THSD4: variants seen among roughly 807,000 people sequenced by gnomAD.
The protein encoded by THSD4 is thrombospondin type 1 domain containing 4, also known as thrombospondin type-1 domain-containing protein 4.
In THSD4, 69 loss-of-function variants were observed where a neutral mutation model predicts 119.0. The ratio of observed to expected loss-of-function variants is 0.58; its 90% CI spans 0.48 to 0.71. THSD4 has a LOEUF of 0.71. Ranked by LOEUF, THSD4 falls within the 30% of genes least tolerant of loss-of-function variation. The pLI is 0.00. For synonymous variants in THSD4, 524 were observed against 540.4 expected (o/e 0.97, Z 0.42); for missense variants, 1,393 against 1,391.1 (o/e 1.00, Z -0.02).
rs189707771 is a variant in THSD4, at chr15:71,525,599, G to A, written c.1152+113776G>A. On this transcript the variant is annotated intron_variant, in intron 7 of 17. Coordinates refer to ENST00000261862, the MANE Select transcript of THSD4 (RefSeq NM_024817.3). ...ATCTGCGCAAATGTTTTATGTATTA[G>A]GGAGATGTTTTCCCAAGTAATGAGT... Among the ~76,000 whole-genome samples the A allele has an allele frequency of 1.2e-3, 176 of 152,284 alleles. 5 individuals are homozygous for A. In the South Asian group the frequency reaches 0.029, roughly 25 times the overall value.
chr15:71,583,505 G>A (rs1019016640), intron 7 of THSD4, among the ~76,000 whole-genome samples: 7 of 150,088 alleles, frequency 4.7e-5, no homozygotes, highest in African/African-American at 7.3e-5. Context: ...CTAAAGTTAC[G>A]TTGTTTATTT....
At chr15:71,349,628 A>G (rs2045718234) in intron 6 of THSD4, among the ~76,000 whole-genome samples, 1 of 152,180 alleles carries the variant, frequency 6.6e-6, no homozygotes, top group South Asian at 2.1e-4. Flanking sequence ...TCTTCACTGG[A>G]TGGCACTCTC....
chr15:71,332,646 A>G (rs1201940123), intron 6 of THSD4, among the ~76,000 whole-genome samples: 4 of 152,076 alleles, frequency 2.6e-5, no homozygotes, highest in Admixed American at 2.6e-4. Flanking sequence ...TTATGGCCCG[A>G]TTGCTGTCAC....
At chr15:71,106,885 A>G (rs753925332) in intron 1 of THSD4, among the ~76,000 whole-genome samples, 3 of 152,120 alleles carry the variant, frequency 2.0e-5, no homozygotes, top group Non-Finnish European at 2.9e-5. Context: ...AAAAAAATTT[A>G]AAAAGAGAAG....
At chr15:71,141,611 C>T in intron 2 of THSD4, 55 bp downstream of exon 2, 3 of 1,538,356 alleles carry the variant, frequency 2.0e-6, no homozygotes, top group East Asian at 2.3e-5. Flanking sequence ...TTGATATTTG[C>T]ATTTTACTCT....
chr15:71,583,279 T>C (rs971954941), intron 7 of THSD4, among the ~76,000 whole-genome samples: 1 of 152,168 alleles, frequency 6.6e-6, no homozygotes, highest in Non-Finnish European at 1.5e-5. Flanking sequence ...CTTTCACTTC[T>C]CATTGTTTGA....
At chr15:71,767,370 T>C (rs1295809948) in intron 16 of THSD4, 1 of 152,236 alleles carries the variant, frequency 6.6e-6, no homozygotes, top group African/African-American at 2.4e-5. Flanking sequence ...TGCAAGTGAC[T>C]TGAATACATA....
chr15:71,247,475 A>G (rs1567168623), intron 5 of THSD4, among the ~76,000 whole-genome samples: 1 of 152,214 alleles, frequency 6.6e-6, no homozygotes, highest in African/African-American at 2.4e-5. Context: ...TGCAGATCAT[A>G]TGTGCCACCG....
chr15:71,470,994 C>G (rs112198297), intron 7 of THSD4, among the ~76,000 whole-genome samples: 2,763 of 152,352 alleles, frequency 0.018, 45 homozygotes, highest in Non-Finnish European at 0.027. Flanking sequence ...TTAAAGTTAT[C>G]AGGCTATTTC....
intron 7 of THSD4, among the ~76,000 whole-genome samples, chr15:71,587,781 A>C (rs2049703842): frequency 6.2e-5 from 1 of 16,216 alleles, no homozygotes; most frequent in Non-Finnish European, 2.2e-4. Flanking sequence ...AATAAAAAAA[A>C]AAAATTAAAA....
At chr15:71,111,237 G>A, upstream of THSD4, 1 of 1,613,962 alleles carries the variant, frequency 6.2e-7, no homozygotes, top group Non-Finnish European at 8.5e-7. Context: ...ATAACCTGAA[G>A]TGTGGCCTGA....
At chr15:71,492,821 G>GA (rs1025921042) in intron 7 of THSD4, among the ~76,000 whole-genome samples, 15 of 151,796 alleles carry the variant, frequency 9.9e-5, no homozygotes, top group Non-Finnish European at 1.6e-4. Flanking sequence ...CTAGTAGCAG[G>GA]AATCGATTTG....
At chr15:71,135,392 CAAAAAA>C (rs1170278742) in intron 1 of THSD4, among the ~76,000 whole-genome samples, 1 of 122,528 alleles carries the variant, frequency 8.2e-6, no homozygotes, top group Non-Finnish European at 1.7e-5. Flanking sequence ...TACTAAATGA[CAAAAAA>C]AAAAAAAAAA....
At chr15:71,586,634 CT>C (rs2049676281) in intron 7 of THSD4, among the ~76,000 whole-genome samples, 1 of 152,282 alleles carries the variant, frequency 6.6e-6, no homozygotes, top group South Asian at 2.1e-4. Flanking sequence ...AGAAAACTAT[CT>C]GCTTTTAATC....
intron 7 of THSD4, among the ~76,000 whole-genome samples, chr15:71,453,851 CA>C (rs1466819752): frequency 6.6e-6 from 1 of 152,250 alleles, no homozygotes; most frequent in Non-Finnish European, 1.5e-5. Context: ...TGAGACACTC[CA>C]GGCATCTCTT....
intron 17 of THSD4, among the ~76,000 whole-genome samples, chr15:71,774,872 C>T (rs760373339): frequency 5.9e-5 from 9 of 152,116 alleles, no homozygotes; most frequent in East Asian, 1.9e-4. Flanking sequence ...GCAAGCTGGG[C>T]GACGTGACTC....
At chr15:71,366,435 T>A (rs1440605540) in intron 6 of THSD4, among the ~76,000 whole-genome samples, 1 of 152,080 alleles carries the variant, frequency 6.6e-6, no homozygotes, top group Non-Finnish European at 1.5e-5. Context: ...CATTGTGATA[T>A]CTCCACTGGA....
At position 71,756,251 on chromosome 15, in the gene THSD4, A is replaced by G. The variant is rs377678643; in HGVS notation, c.2416-1651A>G. Reference sequence around the variant, plus strand: ...AAGAAAGTAAACTGTGCTGGGAACCATGGATGGAAAGGGGCAAGACAGGTT... The same window carrying G: ...AAGAAAGTAAACTGTGCTGGGAACCGTGGATGGAAAGGGGCAAGACAGGTT... On this transcript the variant is annotated intron_variant, in intron 14 of 17. Transcript: ENST00000261862. Among the ~76,000 whole-genome samples, 24 of 152,320 alleles carry G rather than the reference A, an allele frequency of 1.6e-4. No homozygotes were observed. The East Asian group carries it at 2.9e-3, about 18-fold the overall frequency.
Position 71,296,522 on chromosome 15 carries a change from C to T in THSD4, c.1015+39807C>T, listed in dbSNP as rs1393589070. Among the ~76,000 whole-genome samples the T allele has an allele frequency of 3.9e-5, 6 of 152,172 alleles. No homozygotes were observed. In the East Asian group the frequency reaches 9.6e-4, roughly 24 times the overall value. On this transcript the variant is annotated intron_variant, in intron 6 of 17. Coordinates refer to ENST00000261862, the MANE Select transcript of THSD4 (RefSeq NM_024817.3). ...AGACGCACCTTCCTGCCAAGTCTCT[C>T]TGGGTGTTTGTCTTTGGATCAGAGA...
Sources: allele counts gnomAD v4.1 joint callset (sites outside exome capture counted in the v4.1 genomes callset), GRCh38; gene constraint gnomAD v4.1.1; transcripts MANE v1.5; gene names NCBI Gene and HGNC (gene_info 2026-07-23, HGNC 2026-07-21).